The following STARD13 variants were observed in gnomAD, a reference collection of about 807,000 sequenced individuals.
STARD13 encodes stAR-related lipid transfer protein 13.
In STARD13, 62 loss-of-function variants were observed where a neutral mutation model predicts 106.4. That is an observed-to-expected ratio of 0.58 (90% CI 0.48 to 0.72). The LOEUF is 0.72. STARD13 is among the 30% of genes least tolerant of loss of function. STARD13 has a pLI of 0.00. For synonymous variants in STARD13, 565 were observed against 553.0 expected, an observed-to-expected ratio of 1.02 and a Z score of -0.31; for missense variants, 1,387 against 1,424.0, an observed-to-expected ratio of 0.97 and a Z score of 0.42.
At chr13:33,650,017 G>T in the STARD13 span, among the ~76,000 whole-genome samples, 1 of 151,884 alleles carries the variant, frequency 6.6e-6, no homozygotes, top group African/African-American at 2.4e-5. Flanking sequence ...ATTACTCTCA[G>T]CCACTTGAGT....
chr13:33,469,415 G>A, the STARD13 span, among the ~76,000 whole-genome samples: 3 of 152,120 alleles, frequency 2.0e-5, no homozygotes, highest in Non-Finnish European at 2.9e-5. Context: ...CTTGAGAGAT[G>A]TATTCAACAT....
intron 1 of STARD13, among the ~76,000 whole-genome samples, chr13:33,307,586 C>G (rs1030527450): frequency 6.6e-6 from 1 of 152,128 alleles, no homozygotes; most frequent in Non-Finnish European, 1.5e-5. Context: ...CATGCTCTCA[C>G]TTATGAGTGG....
the STARD13 span, among the ~76,000 whole-genome samples, chr13:33,531,145 CTCTCT>C: frequency 6.6e-6 from 1 of 152,162 alleles, no homozygotes; most frequent in Non-Finnish European, 1.5e-5. Context: ...CCTGCACAAG[CTCTCT>C]TCTCGTCTGC....
In STARD13 at chr13:33,129,015, A is replaced by T; in HGVS notation, c.1662T>A (p.Asp554Glu). 6.2e-7 allele frequency: 1 copy of T among 1,614,100 alleles called. No individual in the cohort carries two copies. Among genetic ancestry groups the T allele is most frequent in the African/African-American group, 1.3e-5 (1 of 75,004 alleles). The change falls in exon 5 of 14, where the codon GAT becomes GAA. Residue 554 changes from aspartate (D) to glutamate (E), a missense_variant. Asp to Glu is a conservative substitution (Grantham distance 45). Transcript: ENST00000336934. The part of the protein sequence containing the change: ...GRTTPSDVER[D>E]VTSLNESEPP... ...GCTCAGATTCATTAAGAGATGTTAC[A>T]TCTCTTTCCACATCACTGGGTGTCG...
chr13:33,267,604 C>A (rs1890960009), intron 1 of STARD13, among the ~76,000 whole-genome samples: 1 of 152,126 alleles, frequency 6.6e-6, no homozygotes, highest in South Asian at 2.1e-4. Flanking sequence ...TACAAACAAT[C>A]TTGTGAGTGA....
intron 1 of STARD13, among the ~76,000 whole-genome samples, chr13:33,310,557 CTAAA>C (rs1362114887): frequency 3.9e-5 from 6 of 152,068 alleles, no homozygotes; most frequent in East Asian, 1.9e-4. Flanking sequence ...AAATAACAAA[CTAAA>C]TGAATGTGGG....
At chr13:33,360,497 C>G in the STARD13 span, among the ~76,000 whole-genome samples, 1 of 151,736 alleles carries the variant, frequency 6.6e-6, no homozygotes, top group African/African-American at 2.4e-5. Context: ...AGCCACTGCT[C>G]CTGGCCGGCA....
chr13:33,524,796 T>A, the STARD13 span, among the ~76,000 whole-genome samples: 10,357 of 152,134 alleles, frequency 0.068, 1,150 homozygotes, highest in African/African-American at 0.23. Flanking sequence ...CATTTTAAAA[T>A]GGTTAAATCA....
At chr13:33,185,299 G>T (rs550008055) in intron 1 of STARD13, among the ~76,000 whole-genome samples, 2 of 152,190 alleles carry the variant, frequency 1.3e-5, no homozygotes, top group African/African-American at 4.8e-5. Flanking sequence ...TCAGCAACAC[G>T]AAGTGCTGGA....
chr13:33,448,778 T>A, the STARD13 span, among the ~76,000 whole-genome samples: 7 of 152,284 alleles, frequency 4.6e-5, no homozygotes, highest in Middle Eastern at 3.4e-3. Context: ...TTACTGTTTG[T>A]CCTTTTGATA....
chr13:33,360,184 A>C, the STARD13 span, among the ~76,000 whole-genome samples: 1 of 150,718 alleles, frequency 6.6e-6, no homozygotes. Context: ...TTTCTTCAAC[A>C]AAAATAGTTC....
intron 3 of STARD13, among the ~76,000 whole-genome samples, chr13:33,146,459 G>C (rs1566023847): frequency 6.6e-6 from 1 of 152,196 alleles, no homozygotes; most frequent in Non-Finnish European, 1.5e-5. Flanking sequence ...ACTCCAGCCT[G>C]GGTGACATAG....
the STARD13 span, among the ~76,000 whole-genome samples, chr13:33,366,650 A>G: frequency 6.6e-6 from 1 of 152,178 alleles, no homozygotes; most frequent in Non-Finnish European, 1.5e-5. This position sits in a 1 kb window ranked among gnomAD's most constrained non-coding sequence, Gnocchi z 4.2. Flanking sequence ...TTTCCCCCTT[A>G]GTTCACTAAG....
chr13:33,285,802 CG>C (rs2138416815), upstream of STARD13: 2 of 1,420,398 alleles, frequency 1.4e-6, no homozygotes, highest in African/African-American at 1.4e-5. Context: ...TTCCAACCCC[CG>C]GGGCCCTCAC....
chr13:33,270,564 A>G (rs938648879), intron 1 of STARD13, among the ~76,000 whole-genome samples: 2 of 152,164 alleles, frequency 1.3e-5, no homozygotes, highest in African/African-American at 4.8e-5. Flanking sequence ...TAGATTCAAA[A>G]ACTGAGGCAT....
the STARD13 span, among the ~76,000 whole-genome samples, chr13:33,559,844 G>A: frequency 6.6e-6 from 1 of 151,376 alleles, no homozygotes; most frequent in Non-Finnish European, 1.5e-5. Context: ...GCGACAGAGT[G>A]AGACTCCATC....
At chr13:33,312,744 A>G (rs1217333210) in intron 1 of STARD13, among the ~76,000 whole-genome samples, 1 of 152,242 alleles carries the variant, frequency 6.6e-6, no homozygotes, top group Non-Finnish European at 1.5e-5. Context: ...CAAAACAAAC[A>G]GAAACTCTGC....
chr13:33,108,724 C>G (rs1464429590), intron 12 of STARD13, among the ~76,000 whole-genome samples: 1 of 152,192 alleles, frequency 6.6e-6, no homozygotes, highest in African/African-American at 2.4e-5. Context: ...CACACAGACT[C>G]AGGCCCTCAG....
At chr13:33,228,780 G>A (rs575845884) in intron 1 of STARD13, among the ~76,000 whole-genome samples, 3 of 152,206 alleles carry the variant, frequency 2.0e-5, no homozygotes, top group Non-Finnish European at 4.4e-5. Flanking sequence ...CCCCCATCAC[G>A]TAGAGTCTGA....
Sources: allele counts gnomAD v4.1 joint callset (sites outside exome capture counted in the v4.1 genomes callset), GRCh38; gene constraint gnomAD v4.1.1; non-coding constraint Gnocchi (gnomAD v3.1); transcripts MANE v1.5; gene names NCBI Gene and HGNC (gene_info 2026-07-23, HGNC 2026-07-21).